CDH9: variants seen among roughly 807,000 people sequenced by gnomAD.
CDH9 encodes cadherin 9, also known as cadherin-9.
A neutral mutation model predicts 70.9 loss-of-function variants in CDH9; 28 were observed. That is an observed-to-expected ratio of 0.40 (90% CI 0.29 to 0.54). The LOEUF is 0.54. CDH9 is among the 20% of genes least tolerant of loss of function. The pLI, the probability that CDH9 is intolerant of heterozygous loss-of-function variation, is 0.59. For synonymous variants in CDH9, 409 were observed against 343.1 expected (o/e 1.19, Z -2.12); for missense variants, 874 against 984.4 (o/e 0.89, Z 1.50).
At position 26,930,324 on chromosome 5, in the gene CDH9, T is replaced by C. The variant is rs1252844809; in HGVS notation, c.229-14400A>G. Among the ~76,000 whole-genome samples the C allele has an allele frequency of 2.6e-5, 4 of 152,114 alleles. No homozygotes were observed. The East Asian group carries it at 7.7e-4, about 29-fold the overall frequency. ...GCCAATAAAAACTGCACATGTTTAATGTATATAAAATTGTCCCTTGGTATA... is the reference window on the plus strand; with the variant it reads ...GCCAATAAAAACTGCACATGTTTAACGTATATAAAATTGTCCCTTGGTATA... On this transcript the variant is annotated intron_variant, in intron 2 of 11. Coordinates refer to ENST00000231021, the MANE Select transcript of CDH9 (RefSeq NM_016279.4).
At chr5:26,979,980 T>C (rs147430804) in intron 2 of CDH9, among the ~76,000 whole-genome samples, 1,884 of 151,944 alleles carry the variant, frequency 0.012, 13 homozygotes, top group African/African-American at 0.017. Context: ...ACACAAAATA[T>C]GGAATGCTAG....
At chr5:26,892,817 G>A (rs950422647) in intron 7 of CDH9, among the ~76,000 whole-genome samples, 5 of 151,932 alleles carry the variant, frequency 3.3e-5, no homozygotes, top group Non-Finnish European at 7.4e-5. Context: ...TGCAAGCTCC[G>A]CCTTCCAGGT....
At chr5:26,977,128 C>A (rs1257561605) in intron 2 of CDH9, among the ~76,000 whole-genome samples, 1 of 151,848 alleles carries the variant, frequency 6.6e-6, no homozygotes, top group Non-Finnish European at 1.5e-5. Context: ...TCTAGTAATG[C>A]CATTATGACA....
chr5:27,009,099 C>A (rs1354807798), intron 1 of CDH9, among the ~76,000 whole-genome samples: 1 of 152,112 alleles, frequency 6.6e-6, no homozygotes, highest in Non-Finnish European at 1.5e-5. Context: ...GAGAATGATT[C>A]TTTCTCCCGC....
intron 11 of CDH9, among the ~76,000 whole-genome samples, chr5:26,884,286 ATG>A (rs1282109012): frequency 6.6e-6 from 1 of 152,170 alleles, no homozygotes; most frequent in East Asian, 1.9e-4. Context: ...TCAGTTCCCT[ATG>A]TGTGCATGAC....
chr5:26,902,683 G>T lies in CDH9; in HGVS notation c.1046C>A (p.Ala349Glu). ...NQMLYTLRVD[A>E]SNTHPDPRFL... ...TCGTGGATCAGGGTGAGTGTTACTTGCATCCACTCTTAAAGTATAGAGCAT... is the reference window on the plus strand; with the variant it reads ...TCGTGGATCAGGGTGAGTGTTACTTTCATCCACTCTTAAAGTATAGAGCAT... Residue 349 changes from alanine (A) to glutamate (E), a missense_variant, in exon 7 of 12, where the codon GCA becomes GAA. Coordinates refer to ENST00000231021, the MANE Select transcript of CDH9 (RefSeq NM_016279.4). 1 of 1,572,498 alleles carries T rather than the reference G, an allele frequency of 6.4e-7. No individual in the cohort carries two copies. Among genetic ancestry groups the T allele is most frequent in the Non-Finnish European group, 8.8e-7 (1 of 1,142,716 alleles).
intron 7 of CDH9, among the ~76,000 whole-genome samples, chr5:26,895,351 T>A (rs573243572): frequency 6.6e-6 from 1 of 152,150 alleles, no homozygotes; most frequent in African/African-American, 2.4e-5. Flanking sequence ...TAGATTATTA[T>A]TATTTTACCT....
intron 2 of CDH9, among the ~76,000 whole-genome samples, chr5:26,916,214 A>T (rs540159873): frequency 6.6e-6 from 1 of 152,024 alleles, no homozygotes; most frequent in Non-Finnish European, 1.5e-5. Flanking sequence ...CCAAGATTTA[A>T]ACCTCCAGTG....
At chr5:26,917,299 A>G (rs1460120076) in intron 2 of CDH9, among the ~76,000 whole-genome samples, 1 of 151,956 alleles carries the variant, frequency 6.6e-6, no homozygotes, top group East Asian at 1.9e-4. Context: ...GATGGGAGAT[A>G]TTGATCAAGG....
chr5:26,896,182 G>A (rs560543292), intron 7 of CDH9, among the ~76,000 whole-genome samples: 110 of 152,060 alleles, frequency 7.2e-4, no homozygotes, highest in African/African-American at 2.5e-3. Flanking sequence ...ATTTCCGGAT[G>A]ACCTTTAAAC....
At chr5:26,934,377 A>C (rs1741522860) in intron 2 of CDH9, among the ~76,000 whole-genome samples, 1 of 152,114 alleles carries the variant, frequency 6.6e-6, no homozygotes. Context: ...AGGTGGTAGG[A>C]TTGCTTGAGC....
At chr5:26,901,923 C>T (rs1489333226) in intron 7 of CDH9, among the ~76,000 whole-genome samples, 7 of 151,794 alleles carry the variant, frequency 4.6e-5, no homozygotes, top group Admixed American at 4.6e-4. Context: ...ATATAATTGA[C>T]ATAATATTCT....
chr5:27,019,590 T>C (rs1743102223), intron 1 of CDH9, among the ~76,000 whole-genome samples: 1 of 151,908 alleles, frequency 6.6e-6, no homozygotes, highest in Admixed American at 6.6e-5. Flanking sequence ...CATTTACATA[T>C]GCTGAAATCA....
At chr5:26,906,601 CAAAT>C in intron 4 of CDH9, 114 bp downstream of exon 4, 2 of 1,376,680 alleles carry the variant, frequency 1.5e-6, no homozygotes, top group Non-Finnish European at 1.9e-6. Context: ...TGACAGGAAA[CAAAT>C]AGAAACATGA....
intron 2 of CDH9, among the ~76,000 whole-genome samples, chr5:26,922,058 A>G (rs550089781): frequency 2.0e-5 from 3 of 151,890 alleles, no homozygotes; most frequent in Non-Finnish European, 4.4e-5. Flanking sequence ...AGAGAAAGAG[A>G]GAATAAAAAT....
intron 2 of CDH9, among the ~76,000 whole-genome samples, chr5:26,954,279 C>A (rs1276843615): frequency 1.3e-5 from 2 of 151,850 alleles, no homozygotes; most frequent in African/African-American, 2.4e-5. Flanking sequence ...TAAATTTCAA[C>A]TACCAACAAT....
chr5:27,003,743 G>T (rs1186463587), intron 1 of CDH9, among the ~76,000 whole-genome samples: 1 of 151,932 alleles, frequency 6.6e-6, no homozygotes. Flanking sequence ...AATATCTTTG[G>T]CAACAGAAGC....
intron 1 of CDH9, among the ~76,000 whole-genome samples, chr5:27,000,932 G>C (rs910368019): frequency 1.3e-5 from 2 of 152,096 alleles, no homozygotes; most frequent in African/African-American, 2.4e-5. Flanking sequence ...TATAGTAAAA[G>C]ATGAGTGGTT....
Position 26,988,395 on chromosome 5 carries a change from G to T in CDH9, c.-49-13C>A. On this transcript the variant is annotated splice_polypyrimidine_tract_variant and intron_variant, in intron 1 of 11. Transcript: ENST00000231021. The stretch of plus-strand genomic sequence containing the variant: ...TTGTTTGTTTTTCCTAAAGAGTAAG[G>T]AGAAAAAAAATGGCTGTATTAGCTT... The T allele has an allele frequency of 6.4e-7, 1 of 1,561,134 alleles. No individual in the cohort carries two copies.
Sources: gnomAD v4.1 joint callset for allele counts (sites outside exome capture counted in the v4.1 genomes callset) on GRCh38, gnomAD v4.1.1 for gene constraint, MANE v1.5 for transcripts, NCBI Gene and HGNC (gene_info 2026-07-23, HGNC 2026-07-21) for gene names.